Variants in ATP9B observed in about 807,000 individuals in gnomAD.
The protein encoded by ATP9B is ATPase phospholipid transporting 9B.
Under a neutral mutation model 146.1 loss-of-function variants are expected in ATP9B, and 110 were observed. That is an observed-to-expected ratio of 0.75 (90% CI 0.65 to 0.88). The LOEUF is 0.88. ATP9B is among the 40% of genes least tolerant of loss of function. The pLI is 0.00. For synonymous variants in ATP9B, 604 were observed against 569.7 expected (o/e 1.06, Z -0.86); for missense variants, 1,499 against 1,496.4 (o/e 1.00, Z -0.03).
chr18:79,130,482 A>T (rs1219401799), intron 5 of ATP9B, among the ~76,000 whole-genome samples: 2 of 151,416 alleles, frequency 1.3e-5, no homozygotes, highest in East Asian at 3.9e-4. Flanking sequence ...CGTACCAAAT[A>T]CACATGATGG....
intron 11 of ATP9B, among the ~76,000 whole-genome samples, chr18:79,225,991 GC>G (rs2095730064): frequency 6.6e-6 from 1 of 152,216 alleles, no homozygotes; most frequent in African/African-American, 2.4e-5. Flanking sequence ...TGTCATCACT[GC>G]CTCCTCCTAT....
chr18:79,166,678 A>G (rs2094970500), intron 7 of ATP9B, among the ~76,000 whole-genome samples: 2 of 152,122 alleles, frequency 1.3e-5, no homozygotes, highest in African/African-American at 2.4e-5. Flanking sequence ...TTGGAAGTCC[A>G]ACTAGCTAAG....
At chr18:79,313,330 G>A (rs915538080) in intron 15 of ATP9B, among the ~76,000 whole-genome samples, 1 of 152,198 alleles carries the variant, frequency 6.6e-6, no homozygotes, top group Non-Finnish European at 1.5e-5. Context: ...TAGCATTCTA[G>A]TGTGGGCTGT....
At chr18:79,377,164 C>T in intron 29 of ATP9B, 83 bp from the exon 30 acceptor site, 1 of 1,533,348 alleles carries the variant, frequency 6.5e-7, no homozygotes, top group African/African-American at 1.4e-5. Flanking sequence ...CGTCTGGTGG[C>T]CTGGCCAGGT....
intron 7 of ATP9B, among the ~76,000 whole-genome samples, chr18:79,172,050 G>A (rs1002841564): frequency 9.2e-5 from 14 of 152,218 alleles, no homozygotes; most frequent in African/African-American, 3.1e-4. Context: ...CACCATACCC[G>A]GCTAATTTTT....
chr18:79,228,769 A>T (rs543406158), intron 11 of ATP9B, among the ~76,000 whole-genome samples: 1 of 152,310 alleles, frequency 6.6e-6, no homozygotes, highest in Admixed American at 6.5e-5. Context: ...GTTCGCCTGT[A>T]ATCCCACCAC....
intron 13 of ATP9B, among the ~76,000 whole-genome samples, chr18:79,296,338 A>G (rs917401555): frequency 3.3e-5 from 5 of 152,228 alleles, no homozygotes; most frequent in African/African-American, 1.2e-4. Context: ...GTGAGACAGG[A>G]ATTAATAACT....
intron 11 of ATP9B, among the ~76,000 whole-genome samples, chr18:79,219,651 C>T (rs536359707): frequency 6.6e-6 from 1 of 152,186 alleles, no homozygotes; most frequent in South Asian, 2.1e-4. Context: ...CTTTCTGTCT[C>T]CCTCCCCTCT....
At chr18:79,190,848 T>C (rs982098584) in intron 8 of ATP9B, among the ~76,000 whole-genome samples, 2 of 151,994 alleles carry the variant, frequency 1.3e-5, no homozygotes, top group African/African-American at 4.8e-5. Context: ...GCCTGGCCCA[T>C]TTTATTTATA....
At chr18:79,200,096 T>TA (rs1167837644) in intron 9 of ATP9B, among the ~76,000 whole-genome samples, 1 of 152,250 alleles carries the variant, frequency 6.6e-6, no homozygotes, top group Non-Finnish European at 1.5e-5. Context: ...TTGTATGCAC[T>TA]AGACTTTCAT....
intron 9 of ATP9B, among the ~76,000 whole-genome samples, chr18:79,196,107 C>CA (rs1436235216): frequency 1.3e-5 from 2 of 152,184 alleles, no homozygotes; most frequent in Admixed American, 1.3e-4. Flanking sequence ...AGGTTGGTGT[C>CA]AGTGTTCTCA....
At chr18:79,368,109 C>T (rs1467497901) in intron 26 of ATP9B, among the ~76,000 whole-genome samples, 1 of 152,102 alleles carries the variant, frequency 6.6e-6, no homozygotes, top group Non-Finnish European at 1.5e-5. Flanking sequence ...GCGCCGTGGC[C>T]CCGGGTGAGC....
rs144298569 is a variant in ATP9B, at chr18:79,214,038, G to A, written c.1107G>A (p.Lys369=). 7.5e-6 allele frequency: 12 copies of A among 1,591,806 alleles called. No individual in the cohort carries two copies. Among genetic ancestry groups the A allele is most frequent in the Non-Finnish European group, 9.4e-6 (11 of 1,172,422 alleles). ...TGAACACATCCAATCCAAAAAATAA[G>A]GTAGGCTAGATTGAGGAGCAACTGC... The part of the protein sequence containing the change: ...SVMNTSNPKN[K]VGLLDLELNR... The change falls in exon 11 of 30, where the codon AAG becomes AAA. Residue 369 remains lysine, a splice_region_variant and synonymous_variant. Transcript: ENST00000426216.
intron 26 of ATP9B, among the ~76,000 whole-genome samples, chr18:79,371,148 C>G (rs907589821): frequency 3.3e-5 from 5 of 152,006 alleles, no homozygotes; most frequent in Admixed American, 6.6e-5. Context: ...CCGAGGTGGG[C>G]GGATCATGAG....
At chr18:79,073,347 C>T (rs547491238) in intron 1 of ATP9B, among the ~76,000 whole-genome samples, 1 of 152,208 alleles carries the variant, frequency 6.6e-6, no homozygotes, top group Non-Finnish European at 1.5e-5. Flanking sequence ...ACATTGAGCA[C>T]TGAGTGAGCG....
At chr18:79,228,988 G>A (rs1044384362) in intron 11 of ATP9B, among the ~76,000 whole-genome samples, 1 of 152,132 alleles carries the variant, frequency 6.6e-6, no homozygotes, top group Non-Finnish European at 1.5e-5. Context: ...CTGAGATTGT[G>A]CCACTACACT....
chr18:79,219,714 T>C (rs377603258), intron 11 of ATP9B, among the ~76,000 whole-genome samples: 44 of 152,332 alleles, frequency 2.9e-4, no homozygotes, highest in African/African-American at 1.1e-3. Flanking sequence ...TTATATTTAT[T>C]TCCTTTCTTC....
rs1568297009 is a variant in ATP9B at position 79,157,405 on chromosome 18, A to AAAAAAAAAAAAC, written c.778+2861_778+2862insCAAAAAAAAAAA. On this transcript the variant is annotated intron_variant, in intron 7 of 29. Transcript: ENST00000426216. ...GAGTGAAACTCCATCTCAAAAAAAAAAAAAAAAAAAAAAAAAAAACATGTA... is the reference window on the plus strand; with the variant it reads ...GAGTGAAACTCCATCTCAAAAAAAAAAAAAAAAAAAACAAAAAAAAAAAAAAAAAAACATGTA... Among the ~76,000 whole-genome samples the AAAAAAAAAAAAC allele has an allele frequency of 2.8e-3, 352 of 124,644 alleles. 8 individuals are homozygous for AAAAAAAAAAAAC. Among genetic ancestry groups the AAAAAAAAAAAAC allele is most frequent in the East Asian group, 7.1e-3 (22 of 3,096 alleles). The allele number at this position is 124,644 out of a possible 152,430, so 81.8% of individuals were successfully genotyped here.
chr18:79,191,063 C>G (rs895891535), intron 8 of ATP9B, among the ~76,000 whole-genome samples: 2 of 151,944 alleles, frequency 1.3e-5, no homozygotes, highest in African/African-American at 4.8e-5. Flanking sequence ...TTTATTTCAC[C>G]TGTATTCTTA....
Sources: gnomAD v4.1 joint callset for allele counts (sites outside exome capture counted in the v4.1 genomes callset) on GRCh38, gnomAD v4.1.1 for gene constraint, MANE v1.5 for transcripts, NCBI Gene and HGNC (gene_info 2026-07-23, HGNC 2026-07-21) for gene names.